Variants in ANXA13 observed in about 807,000 individuals in gnomAD.
ANXA13 encodes the protein annexin A13, also known as annexin XIII.
A neutral mutation model predicts 46.6 loss-of-function variants in ANXA13; 36 were observed. That is an observed-to-expected ratio of 0.77 (90% CI 0.59 to 1.02). The LOEUF is 1.02. Ranked by LOEUF, ANXA13 falls within the 50% of genes least tolerant of loss-of-function variation. The pLI, the probability that ANXA13 is intolerant of heterozygous loss-of-function variation, is 0.00. For synonymous variants in ANXA13, 163 were observed against 152.9 expected, an observed-to-expected ratio of 1.07 and a Z score of -0.49; for missense variants, 417 against 396.5, an observed-to-expected ratio of 1.05 and a Z score of -0.44.
At chr8:123,723,929 T>G (rs1813934166) in intron 1 of ANXA13, among the ~76,000 whole-genome samples, 1 of 152,206 alleles carries the variant, frequency 6.6e-6, no homozygotes, top group South Asian at 2.1e-4. Context: ...AGAATCTTCT[T>G]CCTTTGTATG....
At chr8:123,709,468 C>A (rs985339942) in intron 2 of ANXA13, among the ~76,000 whole-genome samples, 1 of 151,852 alleles carries the variant, frequency 6.6e-6, no homozygotes, top group Non-Finnish European at 1.5e-5. Context: ...TCTTCCTCCC[C>A]CCATTCTCTA....
At chr8:123,725,878 T>A (rs180694860) in intron 1 of ANXA13, among the ~76,000 whole-genome samples, 8 of 152,274 alleles carry the variant, frequency 5.3e-5, no homozygotes, top group African/African-American at 1.2e-4. Flanking sequence ...CAGAGAGCTG[T>A]TGGGAAAGTG....
At chr8:123,704,662 G>T (rs1286699677) in intron 2 of ANXA13, among the ~76,000 whole-genome samples, 1 of 152,138 alleles carries the variant, frequency 6.6e-6, no homozygotes. Flanking sequence ...CTCTTAAAGT[G>T]CTAGGATGAC....
chr8:123,734,304 C>A (rs1368043258), intron 1 of ANXA13, among the ~76,000 whole-genome samples: 2 of 152,158 alleles, frequency 1.3e-5, no homozygotes, highest in South Asian at 2.1e-4. Flanking sequence ...AAAACCCAGA[C>A]AATAGAAGAG....
chr8:123,706,619 C>A (rs375430250), intron 2 of ANXA13, among the ~76,000 whole-genome samples: 117 of 152,348 alleles, frequency 7.7e-4, no homozygotes, highest in African/African-American at 2.8e-3. Flanking sequence ...CACCCACATG[C>A]AAGTTCCTCT....
chr8:123,712,841 A>G, intron 1 of ANXA13, 88 bp from the exon 2 acceptor site: 1 of 1,125,106 alleles, frequency 8.9e-7, no homozygotes, highest in Non-Finnish European at 1.3e-6. Flanking sequence ...TGGAGGACCA[A>G]ATAGTCATCC....
At chr8:123,683,692 T>C (rs1813084442) in intron 10 of ANXA13, among the ~76,000 whole-genome samples, 1 of 151,346 alleles carries the variant, frequency 6.6e-6, no homozygotes, top group Admixed American at 6.6e-5. Flanking sequence ...GTTCAAGCAA[T>C]TCTCATGCCT....
At chr8:123,698,633 C>T (rs1014062970) in intron 3 of ANXA13, 74 bp from the exon 4 acceptor site, 23 of 1,491,264 alleles carry the variant, frequency 1.5e-5, no homozygotes, top group Non-Finnish European at 2.1e-5. Context: ...TGCACTATTG[C>T]AAGTGCTCAT....
chr8:123,688,779 A>G (rs765452136), intron 9 of ANXA13, 92 bp downstream of exon 9: 18 of 1,114,186 alleles, frequency 1.6e-5, no homozygotes, highest in Non-Finnish European at 2.5e-5. Flanking sequence ...CCCAAAAGCT[A>G]TTCCCTCAAA....
At chr8:123,733,248 T>C (rs1814162786) in intron 1 of ANXA13, among the ~76,000 whole-genome samples, 1 of 152,188 alleles carries the variant, frequency 6.6e-6, no homozygotes, top group Non-Finnish European at 1.5e-5. Context: ...TTTATTTAAG[T>C]CTTTTGAAAT....
At chr8:123,728,784 G>T (rs906380070) in intron 1 of ANXA13, 5 of 152,108 alleles carry the variant, frequency 3.3e-5, no homozygotes, top group African/African-American at 1.2e-4. Flanking sequence ...TGGTAGAAGA[G>T]TTTATGCATT....
chr8:123,710,586 A>G (rs1813638485), intron 2 of ANXA13, among the ~76,000 whole-genome samples: 2 of 152,184 alleles, frequency 1.3e-5, no homozygotes, highest in African/African-American at 4.8e-5. Context: ...ACACTGAGCA[A>G]TGTCTTCTCA....
chr8:123,703,328 A>C lies in ANXA13; in HGVS notation c.92-592T>G, dbSNP rs187168873. Among the ~76,000 whole-genome samples the C allele has an allele frequency of 5.5e-3, 832 of 151,450 alleles. 6 individuals are homozygous for C. Among genetic ancestry groups the C allele is most frequent in the African/African-American group, 0.019 (794 of 41,176 alleles). On this transcript the variant is annotated intron_variant, in intron 2 of 10. Coordinates refer to ENST00000419625, the MANE Select transcript of ANXA13 (RefSeq NM_004306.4). ...GAGAATATACAGAGGCTGGAAGTAT[A>C]CTAGTGGCTGGGGGTGGGTGGGCTG... is the stretch of plus-strand genomic sequence containing the variant.
chr8:123,693,443 C>G, intron 7 of ANXA13, 145 bp from the exon 8 acceptor site: 1 of 746,380 alleles, frequency 1.3e-6, no homozygotes, highest in Non-Finnish European at 2.2e-6. Context: ...AGCTTCTAAC[C>G]CACAAATGTA....
intron 2 of ANXA13, among the ~76,000 whole-genome samples, chr8:123,708,999 T>C (rs922503577): frequency 1.3e-5 from 2 of 152,214 alleles, no homozygotes; most frequent in African/African-American, 4.8e-5. Flanking sequence ...AACTTAATTA[T>C]ATCTGCAAAG....
chr8:123,682,631 G>A (rs1200027491), intron 10 of ANXA13, among the ~76,000 whole-genome samples: 1 of 152,112 alleles, frequency 6.6e-6, no homozygotes, highest in African/African-American at 2.4e-5. Flanking sequence ...GACACTACAG[G>A]AGACAGGTGG....
At chr8:123,689,018 C>T in intron 8 of ANXA13, 72 bp from the exon 9 acceptor site, 1 of 1,450,272 alleles carries the variant, frequency 6.9e-7, no homozygotes, top group Non-Finnish European at 9.7e-7. Context: ...GGTTGTTCCT[C>T]TACAAAAAGC....
intron 1 of ANXA13, among the ~76,000 whole-genome samples, chr8:123,714,101 T>C (rs1449728921): frequency 1.3e-5 from 2 of 152,224 alleles, no homozygotes; most frequent in African/African-American, 2.4e-5. Context: ...CCAGTGGAAG[T>C]GAACAGTCAA....
At chr8:123,699,724 A>G (rs1295572335) in intron 3 of ANXA13, among the ~76,000 whole-genome samples, 1 of 152,204 alleles carries the variant, frequency 6.6e-6, no homozygotes, top group Non-Finnish European at 1.5e-5. Flanking sequence ...TGGCATTTCA[A>G]GGACACAAAC....
Sources: allele counts gnomAD v4.1 joint callset (sites outside exome capture counted in the v4.1 genomes callset), GRCh38; gene constraint gnomAD v4.1.1; transcripts MANE v1.5; gene names NCBI Gene and HGNC (gene_info 2026-07-23, HGNC 2026-07-21).